The following PDE1C variants were observed in gnomAD, a reference collection of about 807,000 sequenced individuals.
PDE1C encodes phosphodiesterase 1C.
A neutral mutation model predicts 93.1 loss-of-function variants in PDE1C; 62 were observed. The ratio of observed to expected loss-of-function variants is 0.67; its 90% CI spans 0.54 to 0.82. PDE1C has a LOEUF of 0.82. Ranked by LOEUF, PDE1C falls within the 40% of genes least tolerant of loss-of-function variation. The pLI, the probability that PDE1C is intolerant of heterozygous loss-of-function variation, is 0.00. For missense variants in PDE1C, 742 were observed against 884.6 expected (o/e 0.84, Z 2.04); for synonymous variants, 325 against 310.1 (o/e 1.05, Z -0.50).
At chr7:32,119,714 A>C (rs1438009635) in intron 3 of PDE1C, among the ~76,000 whole-genome samples, 1 of 152,132 alleles carries the variant, frequency 6.6e-6, no homozygotes, top group East Asian at 1.9e-4. Flanking sequence ...CCCCTAGCCA[A>C]GGCCGGCGGT....
chr7:32,418,943 C>G (rs1785330932), intron 1 of PDE1C, among the ~76,000 whole-genome samples: 1 of 152,154 alleles, frequency 6.6e-6, no homozygotes, highest in South Asian at 2.1e-4. Flanking sequence ...TATGTGTGTA[C>G]TGATCTAATG....
chr7:31,935,880 A>G (rs972615763), intron 2 of PDE1C, among the ~76,000 whole-genome samples: 1 of 152,148 alleles, frequency 6.6e-6, no homozygotes, highest in Admixed American at 6.6e-5. Context: ...CAGCCTCAGC[A>G]GTGCTCCTGA....
chr7:32,070,631 C>CTAA, upstream of PDE1C: 1 of 1,401,072 alleles, frequency 7.1e-7, no homozygotes, highest in South Asian at 1.5e-5. Context: ...TGGTCCCGGG[C>CTAA]TAATGCCCAG....
intron 1 of PDE1C, among the ~76,000 whole-genome samples, chr7:32,308,209 T>G (rs2128903821): frequency 6.6e-6 from 1 of 152,254 alleles, no homozygotes; most frequent in Admixed American, 6.5e-5. Flanking sequence ...TGCCCAGGCT[T>G]GATTAGGTAA....
the PDE1C span, chr7:31,697,019 A>G: frequency 6.2e-7 from 1 of 1,614,214 alleles, no homozygotes; most frequent in Non-Finnish European, 8.5e-7. Context: ...AGACATCCAA[A>G]GGGCAAAATG....
chr7:31,658,507 A>T, the PDE1C span: 139 of 898,948 alleles, frequency 1.5e-4, 1 homozygote, highest in East Asian at 3.4e-3. Context: ...GAGAAGAAAA[A>T]GTTTTAGAGT....
chr7:32,264,460 C>G (rs1242123833), intron 1 of PDE1C, among the ~76,000 whole-genome samples: 1 of 152,202 alleles, frequency 6.6e-6, no homozygotes, highest in East Asian at 1.9e-4. Context: ...AAATGTAAAC[C>G]TAGTTCCATC....
In PDE1C at chr7:32,368,448, G is replaced by A. The variant is rs76806618; in HGVS notation, c.310+59374C>T. Among the ~76,000 whole-genome samples the A allele has an allele frequency of 2.2e-3, 330 of 152,054 alleles. 3 individuals carry two copies. Among genetic ancestry groups the A allele is most frequent in the African/African-American group, 7.6e-3 (314 of 41,486 alleles). ...AAATGTCTGGGAATAAGGAACCAAG[G>A]AAGTGAAAGACTTCTACAAGAAAAA... is the stretch of plus-strand genomic sequence containing the variant. On this transcript the variant is annotated intron_variant, in intron 1 of 1. Transcript: ENST00000672256.
chr7:32,254,255 T>C (rs754037320), intron 1 of PDE1C, among the ~76,000 whole-genome samples: 1 of 152,168 alleles, frequency 6.6e-6, no homozygotes, highest in African/African-American at 2.4e-5. Flanking sequence ...AGGATGAGAC[T>C]CTGAGGGAGC....
intron 7 of PDE1C, among the ~76,000 whole-genome samples, chr7:31,853,615 A>G (rs1387182877): frequency 6.6e-6 from 1 of 152,192 alleles, no homozygotes; most frequent in Non-Finnish European, 1.5e-5. Flanking sequence ...CACACGCAAG[A>G]GAGTCATGCC....
chr7:31,808,815 T>C (rs1465831864), intron 16 of PDE1C, among the ~76,000 whole-genome samples: 1 of 151,788 alleles, frequency 6.6e-6, no homozygotes, highest in East Asian at 1.9e-4. Flanking sequence ...TAGAAAACAT[T>C]TGTGATGGAG....
chr7:31,970,605 G>A (rs1263602629), intron 2 of PDE1C, among the ~76,000 whole-genome samples: 3 of 152,196 alleles, frequency 2.0e-5, no homozygotes, highest in Admixed American at 6.5e-5. Flanking sequence ...TGATTGTTGA[G>A]TAAACAACTT....
At chr7:32,114,056 A>G (rs1051901453) in intron 3 of PDE1C, among the ~76,000 whole-genome samples, 1 of 152,222 alleles carries the variant, frequency 6.6e-6, no homozygotes, top group African/African-American at 2.4e-5. Flanking sequence ...CATACTATCC[A>G]AAGTAATTTA....
At chr7:31,673,110 C>G in the PDE1C span, among the ~76,000 whole-genome samples, 1 of 152,124 alleles carries the variant, frequency 6.6e-6, no homozygotes, top group Admixed American at 6.6e-5. Flanking sequence ...TATCCAGTCT[C>G]AGGTATTTCT....
chr7:32,276,378 A>C (rs1363871985), intron 1 of PDE1C, among the ~76,000 whole-genome samples: 1 of 152,196 alleles, frequency 6.6e-6, no homozygotes, highest in Non-Finnish European at 1.5e-5. Flanking sequence ...AAAACAAGGA[A>C]GAAAAAAACG....
At chr7:31,954,239 C>T (rs950903179) in intron 2 of PDE1C, among the ~76,000 whole-genome samples, 5 of 152,144 alleles carry the variant, frequency 3.3e-5, no homozygotes, top group East Asian at 1.9e-4. Flanking sequence ...TGTGTCACTT[C>T]GGGACCAAGA....
At chr7:31,970,234 T>C (rs902042238) in intron 2 of PDE1C, among the ~76,000 whole-genome samples, 2 of 152,144 alleles carry the variant, frequency 1.3e-5, no homozygotes, top group Admixed American at 6.5e-5. Context: ...TGACATATCA[T>C]TGAGTCAGTG....
At chr7:31,822,318 T>C (rs761094971) in intron 14 of PDE1C, among the ~76,000 whole-genome samples, 1 of 152,088 alleles carries the variant, frequency 6.6e-6, no homozygotes, top group Admixed American at 6.6e-5. Context: ...GACATCACAG[T>C]GTCAGACCCC....
At chr7:32,387,703 G>A (rs1395661922) in intron 1 of PDE1C, among the ~76,000 whole-genome samples, 2 of 142,064 alleles carry the variant, frequency 1.4e-5, no homozygotes, top group African/African-American at 2.7e-5. Flanking sequence ...CTCCCTCCCG[G>A]ACGGGGCGGC....
Sources: gnomAD v4.1 joint callset for allele counts (sites outside exome capture counted in the v4.1 genomes callset) on GRCh38, gnomAD v4.1.1 for gene constraint, MANE v1.5 for transcripts, NCBI Gene and HGNC (gene_info 2026-07-23, HGNC 2026-07-21) for gene names.